TBATA: variants seen among roughly 807,000 people sequenced by gnomAD.
TBATA encodes the protein protein TBATA.
In TBATA, 47 loss-of-function variants were observed where a neutral mutation model predicts 38.7. The observed-to-expected ratio is 1.21, with a 90% CI of 0.96 to 1.55. The LOEUF (loss-of-function observed/expected upper bound fraction) is 1.55. TBATA is among the 40% of genes most tolerant of loss of function. TBATA has a pLI of 0.00. For synonymous variants in TBATA, 183 were observed against 170.5 expected (o/e 1.07, Z -0.57); for missense variants, 436 against 435.6 (o/e 1.00, Z -0.01).
chr10:70,779,428 G>T (rs1843853726), intron 5 of TBATA, among the ~76,000 whole-genome samples, 165 bp downstream of exon 5: 1 of 152,236 alleles, frequency 6.6e-6, no homozygotes, highest in Admixed American at 6.5e-5. Flanking sequence ...GAGTAATGCA[G>T]AGATTAGGCT....
In TBATA at chr10:70,771,312, AC is replaced by A. The variant is rs752770299; in HGVS notation, c.*63del. ...AGGTACTGCTGTGAAGGTGGTGGAG[AC>A]AGAAACACCCCTGAACCCTTGGGGC... On this transcript the variant is annotated 3_prime_UTR_variant, in exon 11 of 11. Coordinates refer to ENST00000456372, the MANE Select transcript of TBATA (RefSeq NM_001318241.2). 4 of 1,613,786 alleles carry A rather than the reference AC, an allele frequency of 2.5e-6. No homozygotes were observed. The highest frequency in any genetic ancestry group is 3.4e-6 in the Non-Finnish European group (4 of 1,179,778).
At position 70,774,241 on chromosome 10, in the gene TBATA, GA is replaced by G; in HGVS notation, c.891del (p.Pro298LeufsTer59). The G allele has an allele frequency of 1.2e-6, 2 of 1,612,444 alleles. No homozygotes were observed. The highest frequency in any genetic ancestry group is 1.7e-6 in the Non-Finnish European group (2 of 1,179,726). ...LLSQLPEVHE[P>X]PQEKQEPPCS... is the part of the protein sequence containing the mutation. ...CAGGGTGGCTCTTGCTTCTCTTGAG[GA>G]GGTTCATGCACTTCTGGAAGCTGGC... On this transcript the variant is annotated frameshift_variant, in exon 9 of 11. Transcript: ENST00000456372. LOFTEE classifies it high-confidence loss of function.
At chr10:70,775,363 C>A in intron 7 of TBATA, 93 bp from the exon 8 acceptor site, 1 of 1,105,488 alleles carries the variant, frequency 9.0e-7, no homozygotes, top group South Asian at 1.3e-5. Flanking sequence ...GACCCTTCCC[C>A]CAAAGTGGGC....
At chr10:70,780,572 C>T (rs1337826872) in intron 4 of TBATA, among the ~76,000 whole-genome samples, 1 of 152,088 alleles carries the variant, frequency 6.6e-6, no homozygotes, top group Admixed American at 6.6e-5. Flanking sequence ...TGAAACACCC[C>T]CTCTCGAATG....
At chr10:70,782,074 C>T in intron 3 of TBATA, 38 bp from the exon 4 acceptor site, 4 of 1,603,076 alleles carry the variant, frequency 2.5e-6, no homozygotes, top group Non-Finnish European at 3.4e-6. Context: ...AATGGAGTCT[C>T]CTCTGGCAGT....
At position 70,781,977 on chromosome 10, in the gene TBATA, T is replaced by A; in HGVS notation, c.101A>T (p.Asp34Val). 2 of 1,614,258 alleles carry A rather than the reference T, an allele frequency of 1.2e-6. No individual in the cohort carries two copies. Among genetic ancestry groups the A allele is most frequent in the Non-Finnish European group, 1.7e-6 (2 of 1,180,046 alleles). ...CACCAGTTCTTTCTGTGGCCCACTG[T>A]CCCTGGGGCTCCTTGGCTTGCGCCC... ...KSGRKPRSPR[D>V]SGPQKELVIP... is the part of the protein sequence containing the mutation. Residue 34 changes from aspartate to valine, a missense_variant, in exon 4 of 11, where the codon GAC becomes GTC. Physicochemically the swap from Asp to Val is radical, Grantham distance 152. Transcript: ENST00000456372.
At chr10:70,778,470 G>A in intron 6 of TBATA, 87 bp downstream of exon 6, 1 of 1,345,062 alleles carries the variant, frequency 7.4e-7, no homozygotes, top group South Asian at 1.2e-5. Flanking sequence ...ACCTCTGGTA[G>A]GCTGAACTGA....
In TBATA at chr10:70,782,909, GCC is replaced by G. The variant is rs1274995141; in HGVS notation, c.41+428_41+429del. On this transcript the variant is annotated intron_variant, in intron 3 of 10. Transcript: ENST00000456372. The stretch of plus-strand genomic sequence containing the variant: ...CTGGATGTGCTAAGCAAGGCGTGCC[GCC>G]CCCGGACCCTCTGAGGACTCCACTG... Among the ~76,000 whole-genome samples, 3 of 152,220 alleles carry G rather than the reference GCC, an allele frequency of 2.0e-5. No homozygotes were observed. In the East Asian group the frequency reaches 5.8e-4, roughly 29 times the overall value.
chr10:70,772,517 G>C lies in TBATA; in HGVS notation c.970C>G (p.Pro324Ala). 6.2e-7 allele frequency: 1 copy of C among 1,614,120 alleles called. No individual in the cohort carries two copies. Among genetic ancestry groups the C allele is most frequent in the South Asian group, 1.1e-5 (1 of 91,068 alleles). ...KISPFTKSEK[P>A]EYIGEAQVLQ... Reference sequence around the variant, plus strand: ...GACCCACTACTTGGAATCTTACCTGGTTTTTCGCTTTTTGTAAAAGGTGAT... The same window carrying C: ...GACCCACTACTTGGAATCTTACCTGCTTTTTCGCTTTTTGTAAAAGGTGAT... Residue 324 changes from proline (P) to alanine (A), a missense_variant, in exon 10 of 11, where the codon CCA becomes GCA. Transcript: ENST00000456372.
intron 7 of TBATA, among the ~76,000 whole-genome samples, chr10:70,775,851 C>A (rs1239978343): frequency 6.6e-6 from 1 of 152,244 alleles, no homozygotes; most frequent in African/African-American, 2.4e-5. Context: ...AACTGCTCAG[C>A]ACCGGCTCCC....
rs1844254271 is a variant in TBATA at position 70,781,827 on chromosome 10, TGTGG to T, written c.247_250del (p.Pro83ThrfsTer5). ...TTGGATGTGGGTCACGTGCTGGGGG[TGTGG>T]GTGGTGCCGGGAGAAGAAGGAGTGG... On this transcript the variant is annotated frameshift_variant, in exon 4 of 11. Transcript: ENST00000456372. LOFTEE classifies it high-confidence loss of function. The T allele has an allele frequency of 2.5e-6, 4 of 1,613,706 alleles. No homozygotes were observed. The highest frequency in any genetic ancestry group is 1.7e-4 in the Middle Eastern group (1 of 6,060).
intron 7 of TBATA, among the ~76,000 whole-genome samples, chr10:70,776,574 TCAC>T (rs1843432852): frequency 6.6e-6 from 1 of 152,204 alleles, no homozygotes; most frequent in African/African-American, 2.4e-5. Flanking sequence ...ACAGTGCTGG[TCAC>T]AAGGAAGGTG....
At chr10:70,777,106 C>T in intron 7 of TBATA, 47 bp downstream of exon 7, 2 of 1,591,828 alleles carry the variant, frequency 1.3e-6, no homozygotes, top group Non-Finnish European at 1.7e-6. Context: ...TTTGTAAGAC[C>T]CCTAATGTGG....
In TBATA at chr10:70,783,628, C is replaced by G. The variant is rs569877223; in HGVS notation, c.-146-103G>C. The G allele has an allele frequency of 2.5e-4, 115 of 454,624 alleles. 3 individuals are homozygous for G. The highest frequency in any genetic ancestry group is 2.2e-3 in the South Asian group (90 of 41,462). 28.2% of individuals were successfully genotyped at this position (454,624 alleles called of 1,614,324 possible). Reference sequence around the variant, plus strand: ...TATAAGAGAAATTCTTATAGATGTACAACAGGGGCTACTTATAAGAATATT... The same window carrying G: ...TATAAGAGAAATTCTTATAGATGTAGAACAGGGGCTACTTATAAGAATATT... On this transcript the variant is annotated intron_variant, in intron 2 of 10. Transcript: ENST00000456372.
In TBATA at chr10:70,772,583, A is replaced by G; in HGVS notation, c.921-17T>C. On this transcript the variant is annotated splice_polypyrimidine_tract_variant and intron_variant, in intron 9 of 10. Coordinates refer to ENST00000456372, the MANE Select transcript of TBATA (RefSeq NM_001318241.2). ...GGGGATTGACTGTGACCAAATACAA[A>G]GAAGGGGCTGGGAAGGTCATGCTGG... 6.2e-7 allele frequency: 1 copy of G among 1,614,132 alleles called. No homozygotes were observed.
chr10:70,784,455 G>T (rs559585713), intron 2 of TBATA, among the ~76,000 whole-genome samples, 192 bp downstream of exon 2: 6 of 152,190 alleles, frequency 3.9e-5, no homozygotes, highest in African/African-American at 1.4e-4. Context: ...TAGGGATGGG[G>T]TTGGGACAGG....
At chr10:70,783,577 T>C (rs1008300093) in intron 2 of TBATA, 52 bp from the exon 3 acceptor site, 12 of 557,652 alleles carry the variant, frequency 2.2e-5, no homozygotes, top group Non-Finnish European at 3.5e-5. Flanking sequence ...TTGCATGCTG[T>C]ATCACCCAGC....
Position 70,774,487 on chromosome 10 carries a change from C to T in TBATA, c.776-130G>A, listed in dbSNP as rs571786251. ...ATCCCACCTTCTGCCCTCAGGTCCC[C>T]TCGGGAGAGCTCCCCCTTCTCTCCT... On this transcript the variant is annotated intron_variant, in intron 8 of 10. Transcript: ENST00000456372. 1.8e-4 allele frequency: 149 copies of T among 815,800 alleles called. 1 individual carries two copies. The South Asian group carries it at 2.5e-3, about 13-fold the overall frequency. The allele number at this position is 815,800 out of a possible 1,614,324, so 50.5% of individuals were successfully genotyped here.
At position 70,774,223 on chromosome 10, in the gene TBATA, G is replaced by T. The variant is rs1564575960; in HGVS notation, c.910C>A (p.Pro304Thr). ...GGGTGCGGGGCCCACCTGCAGGGTG[G>T]CTCTTGCTTCTCTTGAGGAGGTTCA... ...VHEPPQEKQE[P>T]PCSQSPKKTK... The change falls in exon 9 of 11, where the codon CCA becomes ACA. Residue 304 changes from proline (P) to threonine (T), a missense_variant. Coordinates refer to ENST00000456372, the MANE Select transcript of TBATA (RefSeq NM_001318241.2). 6.2e-7 allele frequency: 1 copy of T among 1,612,138 alleles called. No homozygotes were observed. The highest frequency in any genetic ancestry group is 8.5e-7 in the Non-Finnish European group (1 of 1,179,628).
Sources: allele counts gnomAD v4.1 joint callset (sites outside exome capture counted in the v4.1 genomes callset), GRCh38; gene constraint gnomAD v4.1.1; transcripts MANE v1.5; gene names NCBI Gene and HGNC (gene_info 2026-07-23, HGNC 2026-07-21).